The following GRID1 variants were observed in gnomAD, a reference collection of about 807,000 sequenced individuals.
The protein encoded by GRID1 is glutamate ionotropic receptor delta type subunit 1.
Under a neutral mutation model 98.0 loss-of-function variants are expected in GRID1, and 28 were observed. That is an observed-to-expected ratio of 0.29 (90% CI 0.21 to 0.39). The LOEUF is 0.39. Ranked by LOEUF, GRID1 falls within the 10% of genes least tolerant of loss-of-function variation. GRID1 has a pLI of 1.00. For missense variants in GRID1, 1,111 were observed against 1,340.5 expected (o/e 0.83, Z 2.67); for synonymous variants, 553 against 538.5 (o/e 1.03, Z -0.37).
At chr10:86,260,780 A>G (rs1847004278) in intron 2 of GRID1, among the ~76,000 whole-genome samples, 1 of 152,182 alleles carries the variant, frequency 6.6e-6, no homozygotes, top group African/African-American at 2.4e-5. Context: ...GTCCCCAGAG[A>G]CACCCCTTCA....
rs150101943 is a variant in GRID1 at position 85,734,286 on chromosome 10, C to T, written c.1234-4672G>A. ...AGTGGCCACAGCTGAGGCCCAGATC[C>T]ATGAAGATAAGCAATCCAAGTAATC... On this transcript the variant is annotated intron_variant, in intron 8 of 15. Coordinates refer to ENST00000327946, the MANE Select transcript of GRID1 (RefSeq NM_017551.3). 1.6e-3 allele frequency among the ~76,000 whole-genome samples: 243 copies of T among 152,198 alleles called. 1 individual carries two copies. Among genetic ancestry groups the T allele is most frequent in the African/African-American group, 5.6e-3 (234 of 41,536 alleles).
chr10:86,084,904 G>A (rs912713827), intron 4 of GRID1, among the ~76,000 whole-genome samples: 2 of 152,104 alleles, frequency 1.3e-5, no homozygotes, highest in Non-Finnish European at 2.9e-5. Flanking sequence ...ATTGTTTCAT[G>A]GGTACAAAGT....
chr10:85,697,753 A>G (rs1841409706), intron 12 of GRID1, among the ~76,000 whole-genome samples: 1 of 152,202 alleles, frequency 6.6e-6, no homozygotes, highest in Non-Finnish European at 1.5e-5. Context: ...GCAGCCAATC[A>G]CTTCAGGCTA....
In GRID1 at chr10:85,599,802, A is replaced by AAAAAAATAT; in HGVS notation, c.*2470_*2471insATATTTTTT. On this transcript the variant is annotated 3_prime_UTR_variant, in exon 16 of 16. Coordinates refer to ENST00000327946, the MANE Select transcript of GRID1 (RefSeq NM_017551.3). ...GTAGAAAATTCTAAAAAAAAAAAAA[A>AAAAAAATAT]ATATATATATATATATATAAACATG... The AAAAAAATAT allele has an allele frequency of 4.6e-5, 3 of 64,996 alleles. No homozygotes were observed. The highest frequency in any genetic ancestry group is 2.8e-4 in the African/African-American group (3 of 10,728). 4.0% of individuals were successfully genotyped at this position (64,996 alleles called of 1,614,324 possible).
intron 12 of GRID1, among the ~76,000 whole-genome samples, chr10:85,703,402 G>GA (rs1372078042): frequency 6.6e-6 from 1 of 151,868 alleles, no homozygotes; most frequent in Non-Finnish European, 1.5e-5. Context: ...ATATGGATGG[G>GA]AAAAAATAAA....
At chr10:86,215,859 C>G (rs547206849) in intron 2 of GRID1, among the ~76,000 whole-genome samples, 1 of 152,294 alleles carries the variant, frequency 6.6e-6, no homozygotes, top group Admixed American at 6.5e-5. Context: ...TAGCCATGCT[C>G]CCCACTGCAA....
At chr10:86,308,807 C>T (rs556010469) in intron 2 of GRID1, among the ~76,000 whole-genome samples, 3 of 152,208 alleles carry the variant, frequency 2.0e-5, no homozygotes, top group Non-Finnish European at 2.9e-5. Context: ...CAGGAGAGCA[C>T]GAGAGAGCAC....
rs1842568843 is a variant in GRID1 at position 85,601,166 on chromosome 10, C to A, written c.*1107G>T. ...TTCTCTATTTCTCAGCATGCCCCAT[C>A]ACCTGGAGTACTGGTCCACCCACCT... On this transcript the variant is annotated 3_prime_UTR_variant, in exon 16 of 16. Coordinates refer to ENST00000327946, the MANE Select transcript of GRID1 (RefSeq NM_017551.3). 1 of 152,516 alleles carries A rather than the reference C, an allele frequency of 6.6e-6. No individual in the cohort carries two copies. The highest frequency in any genetic ancestry group is 6.5e-5 in the Admixed American group (1 of 15,286). 9.4% of individuals were successfully genotyped at this position (152,516 alleles called of 1,614,324 possible). A position where few individuals can be genotyped will look rare whatever the true frequency, so the allele number is the denominator to read the frequency against.
chr10:86,053,335 G>A lies in GRID1; in HGVS notation c.726+85484C>T, dbSNP rs1026293634. Among the ~76,000 whole-genome samples the A allele has an allele frequency of 2.0e-5, 3 of 151,262 alleles. No homozygotes were observed. The South Asian group carries it at 6.4e-4, about 32-fold the overall frequency. On this transcript the variant is annotated intron_variant, in intron 4 of 15. Transcript: ENST00000327946. ...ACTCTCGTGGACATCTACTTGTCTC[G>A]ATTCTTTGCTCCATTTTTTTTTGTT...
At chr10:86,029,639 T>C (rs1843159371) in intron 4 of GRID1, among the ~76,000 whole-genome samples, 1 of 152,110 alleles carries the variant, frequency 6.6e-6, no homozygotes. Context: ...CCTAGTCACA[T>C]TAATTATTTT....
chr10:86,131,912 C>T (rs1408491714), intron 4 of GRID1, among the ~76,000 whole-genome samples: 2 of 151,942 alleles, frequency 1.3e-5, no homozygotes, highest in African/African-American at 4.8e-5. Flanking sequence ...AATGCATGGC[C>T]CCTGAAAATG....
At chr10:86,080,411 G>A (rs555514760) in intron 4 of GRID1, among the ~76,000 whole-genome samples, 586 of 13,444 alleles carry the variant, frequency 0.044, 6 homozygotes, top group Non-Finnish European at 0.057. Flanking sequence ...GGGAAGGGAA[G>A]GGGAGGGGAG....
chr10:85,881,433 T>C (rs1025533090), intron 5 of GRID1, among the ~76,000 whole-genome samples: 27 of 152,122 alleles, frequency 1.8e-4, no homozygotes, highest in African/African-American at 6.3e-4. Flanking sequence ...GAGATAGCGA[T>C]CAATGGAACA....
chr10:85,699,461 C>G (rs1312819073), intron 12 of GRID1, among the ~76,000 whole-genome samples: 2 of 152,152 alleles, frequency 1.3e-5, no homozygotes, highest in African/African-American at 4.8e-5. Context: ...TTCTTGTTCC[C>G]TTAACAATGT....
chr10:85,982,052 T>G (rs868127794), intron 4 of GRID1, among the ~76,000 whole-genome samples: 6 of 152,052 alleles, frequency 3.9e-5, no homozygotes, highest in Non-Finnish European at 8.8e-5. Context: ...GCAAAGGCCC[T>G]GAGGTGAGCG....
chr10:85,923,498 G>A (rs1024359470), intron 4 of GRID1, among the ~76,000 whole-genome samples: 2 of 152,102 alleles, frequency 1.3e-5, no homozygotes, highest in African/African-American at 4.8e-5. Context: ...GCAGGCTGGG[G>A]GCAATCGCTG....
intron 4 of GRID1, among the ~76,000 whole-genome samples, chr10:85,950,282 C>T (rs1396495073): frequency 6.6e-6 from 1 of 152,088 alleles, no homozygotes; most frequent in Non-Finnish European, 1.5e-5. Context: ...GAGGAAATGC[C>T]GCTATTCTGG....
intron 8 of GRID1, among the ~76,000 whole-genome samples, chr10:85,781,877 A>G (rs186095441): frequency 2.6e-5 from 4 of 152,270 alleles, no homozygotes; most frequent in East Asian, 1.9e-4. Context: ...TTTATACACA[A>G]AAATGTCTGG....
At chr10:86,015,498 C>G (rs1842969271) in intron 4 of GRID1, among the ~76,000 whole-genome samples, 1 of 152,218 alleles carries the variant, frequency 6.6e-6, no homozygotes, top group Non-Finnish European at 1.5e-5. Flanking sequence ...ATGATGAAAA[C>G]TGATACAAAA....
Sources: allele counts gnomAD v4.1 joint callset (sites outside exome capture counted in the v4.1 genomes callset), GRCh38; gene constraint gnomAD v4.1.1; transcripts MANE v1.5; gene names NCBI Gene and HGNC (gene_info 2026-07-23, HGNC 2026-07-21).